Variants in SLC25A31 observed in about 807,000 individuals in gnomAD.
The protein encoded by SLC25A31 is ADP/ATP translocase 4.
In SLC25A31, 40 loss-of-function variants were observed where a neutral mutation model predicts 36.2. The ratio of observed to expected loss-of-function variants is 1.10; its 90% CI spans 0.86 to 1.44. SLC25A31 has a LOEUF of 1.44. Ranked by LOEUF, SLC25A31 falls within the 40% of genes most tolerant of loss-of-function variation. The pLI is 0.00. For synonymous variants in SLC25A31, 143 were observed against 149.7 expected, an observed-to-expected ratio of 0.96 and a Z score of 0.32; for missense variants, 350 against 397.1, an observed-to-expected ratio of 0.88 and a Z score of 1.01.
intron 2 of SLC25A31, among the ~76,000 whole-genome samples, chr4:127,747,673 T>G (rs1731849666): frequency 6.6e-6 from 1 of 152,162 alleles, no homozygotes; most frequent in Non-Finnish European, 1.5e-5. Context: ...GTGAAATGCA[T>G]AGCATAGTAC....
At chr4:127,737,692 C>A (rs1273514495) in intron 1 of SLC25A31, among the ~76,000 whole-genome samples, 2 of 152,088 alleles carry the variant, frequency 1.3e-5, no homozygotes, top group Admixed American at 1.3e-4. Context: ...GCAGGGAGCA[C>A]AGGCACATGC....
In SLC25A31 at chr4:127,773,272, A is replaced by G. The variant is rs114947200; in HGVS notation, c.760-114A>G. The G allele has an allele frequency of 1.1e-3, 1,059 of 921,034 alleles. 10 individuals carry two copies. In the African/African-American group the frequency reaches 0.015, roughly 13 times the overall value. 57.1% of individuals were successfully genotyped at this position (921,034 alleles called of 1,614,324 possible). Reference sequence around the variant, plus strand: ...GGACAGTAGCCATATATGCCTATTAACACAGTGCTACTCAACACAGTGTTT... The same window carrying G: ...GGACAGTAGCCATATATGCCTATTAGCACAGTGCTACTCAACACAGTGTTT... On this transcript the variant is annotated intron_variant, in intron 5 of 5. Coordinates refer to ENST00000281154, the MANE Select transcript of SLC25A31 (RefSeq NM_031291.4).
At position 127,730,615 on chromosome 4, in the gene SLC25A31, C is replaced by G. The variant is rs375462787; in HGVS notation, c.70C>G (p.Leu24Val). Reference sequence around the variant, plus strand: ...TGACGCCTCATCCTTCGGGAAGGACCTTCTGGCCGGCGGAGTCGCGGCAGC... The same window carrying G: ...TGACGCCTCATCCTTCGGGAAGGACGTTCTGGCCGGCGGAGTCGCGGCAGC... Reference protein sequence around the residue: ...LFDASSFGKDLLAGGVAAAVS... With the variant: ...LFDASSFGKDVLAGGVAAAVS... Residue 24 changes from leucine (L) to valine (V), a missense_variant, in exon 1 of 6, where the codon CTT (leucine) becomes GTT (valine). Coordinates refer to ENST00000281154, the MANE Select transcript of SLC25A31 (RefSeq NM_031291.4). 1 of 1,614,066 alleles carries G rather than the reference C, an allele frequency of 6.2e-7. No individual in the cohort carries two copies.
rs758423485 is a variant in SLC25A31 at position 127,744,767 on chromosome 4, C to G, written c.328C>G (p.Leu110Val). The change falls in exon 2 of 6, where the codon CTA becomes GTA. Residue 110 changes from leucine (L) to valine (V), a missense_variant. Coordinates refer to ENST00000281154, the MANE Select transcript of SLC25A31 (RefSeq NM_031291.4). ...NFAFKDKYKQ[L>V]FMSGVNKEKQ... ...TGCTTTTAAGGACAAATACAAGCAG[C>G]TATTCATGTCTGGAGTTAATAAAGA... is the stretch of plus-strand genomic sequence containing the variant. 1.3e-6 allele frequency: 2 copies of G among 1,584,038 alleles called. No homozygotes were observed. Among genetic ancestry groups the G allele is most frequent in the Non-Finnish European group, 1.7e-6 (2 of 1,159,682 alleles).
chr4:127,771,533 G>A (rs552290403), intron 5 of SLC25A31, among the ~76,000 whole-genome samples: 8 of 152,164 alleles, frequency 5.3e-5, no homozygotes, highest in African/African-American at 1.9e-4. Flanking sequence ...ACATGAACAG[G>A]CATATAATCT....
chr4:127,731,106 A>G (rs998420512), intron 1 of SLC25A31, among the ~76,000 whole-genome samples: 3 of 152,196 alleles, frequency 2.0e-5, no homozygotes, highest in South Asian at 2.1e-4. Context: ...GGGAGATGCC[A>G]TTAGGCACTC....
At chr4:127,749,502 T>C (rs147475613) in intron 2 of SLC25A31, among the ~76,000 whole-genome samples, 4 of 152,140 alleles carry the variant, frequency 2.6e-5, no homozygotes, top group African/African-American at 9.6e-5. Context: ...TCCCAGCACT[T>C]TTGGAAGCCG....
intron 2 of SLC25A31, among the ~76,000 whole-genome samples, chr4:127,749,957 A>G (rs1731897336): frequency 6.6e-6 from 1 of 152,224 alleles, no homozygotes; most frequent in African/African-American, 2.4e-5. Flanking sequence ...AGTAGCAGAA[A>G]GAATTAATCA....
chr4:127,765,005 A>ATATGTTTTTTCTTTTTAGTT (rs1732214894), intron 3 of SLC25A31, among the ~76,000 whole-genome samples: 1 of 152,060 alleles, frequency 6.6e-6, no homozygotes, highest in African/African-American at 2.4e-5. Context: ...ATCCTTTAGT[A>ATATGTTTTTTCTTTTTAGTT]TATGTTTTTT....
chr4:127,750,726 G>A (rs1441944434), intron 2 of SLC25A31, among the ~76,000 whole-genome samples: 1 of 151,428 alleles, frequency 6.6e-6, no homozygotes, highest in African/African-American at 2.4e-5. Context: ...TGAGCCCCAT[G>A]ATAACCATAA....
Position 127,730,427 on chromosome 4 carries a change from A to G in SLC25A31, c.-119A>G, listed in dbSNP as rs1731491542. ...CGGCGCGCGGCTCTCTCAGCGTCCC[A>G]AGAGCCACTTTCTCGCCAGTACGAT... On this transcript the variant is annotated 5_prime_UTR_variant, in exon 1 of 6. Transcript: ENST00000281154. 7 of 1,129,150 alleles carry G rather than the reference A, an allele frequency of 6.2e-6. No individual in the cohort carries two copies. The highest frequency in any genetic ancestry group is 2.6e-5 in the East Asian group (1 of 38,850). The allele number at this position is 1,129,150 out of a possible 1,614,324, so 69.9% of individuals were successfully genotyped here. A position where few individuals can be genotyped will look rare whatever the true frequency, so the allele number is the denominator to read the frequency against.
intron 2 of SLC25A31, among the ~76,000 whole-genome samples, chr4:127,754,537 TA>T (rs35065040): frequency 0.66 from 96,394 of 146,022 alleles, 31,867 homozygotes; most frequent in Middle Eastern, 0.8. Flanking sequence ...ACAATAGCTT[TA>T]AAAAAAAAAA....
At chr4:127,737,312 T>G (rs763840474) in intron 1 of SLC25A31, among the ~76,000 whole-genome samples, 4 of 152,238 alleles carry the variant, frequency 2.6e-5, no homozygotes, top group Non-Finnish European at 5.9e-5. Flanking sequence ...GTTATACTTC[T>G]AGGGATTTGT....
intron 2 of SLC25A31, among the ~76,000 whole-genome samples, chr4:127,750,530 C>A (rs1731909256): frequency 6.6e-6 from 1 of 152,028 alleles, no homozygotes; most frequent in Non-Finnish European, 1.5e-5. Flanking sequence ...CACTTTTAAT[C>A]CTTAACGTCA....
In SLC25A31 at chr4:127,730,522, C is replaced by T. The variant is rs753959721; in HGVS notation, c.-24C>T. On this transcript the variant is annotated 5_prime_UTR_variant, in exon 1 of 6. Coordinates refer to ENST00000281154, the MANE Select transcript of SLC25A31 (RefSeq NM_031291.4). ...CCGTACTCATTTTTAGCCACTGCTGCCGGTTTTTATATCCTTCTCCATCAT... is the reference window on the plus strand; with the variant it reads ...CCGTACTCATTTTTAGCCACTGCTGTCGGTTTTTATATCCTTCTCCATCAT... The T allele has an allele frequency of 1.2e-5, 20 of 1,604,326 alleles. No homozygotes were observed. Among genetic ancestry groups the T allele is most frequent in the Non-Finnish European group, 1.6e-5 (19 of 1,171,932 alleles).
At chr4:127,758,507 A>G (rs950563521) in intron 2 of SLC25A31, among the ~76,000 whole-genome samples, 6 of 152,078 alleles carry the variant, frequency 3.9e-5, no homozygotes, top group African/African-American at 1.4e-4. Flanking sequence ...TTTTTGTTGC[A>G]TTTGGCTTTG....
chr4:127,762,833 A>C (rs1162936410), intron 2 of SLC25A31, among the ~76,000 whole-genome samples: 1 of 152,054 alleles, frequency 6.6e-6, no homozygotes. Context: ...CTGAGGCAGG[A>C]GAATGGCGTG....
At chr4:127,741,069 T>G (rs919119956) in intron 1 of SLC25A31, among the ~76,000 whole-genome samples, 1 of 152,220 alleles carries the variant, frequency 6.6e-6, no homozygotes, top group Non-Finnish European at 1.5e-5. Context: ...TATATAGAAA[T>G]GTGATTGATT....
intron 5 of SLC25A31, 22 bp from the exon 6 acceptor site, chr4:127,773,364 C>T (rs370386128): frequency 4.2e-4 from 663 of 1,585,710 alleles, no homozygotes; most frequent in Non-Finnish European, 5.3e-4. Flanking sequence ...TAATGGAAAA[C>T]CCTTTGTTTT....
Sources: gnomAD v4.1 joint callset for allele counts (sites outside exome capture counted in the v4.1 genomes callset) on GRCh38, gnomAD v4.1.1 for gene constraint, MANE v1.5 for transcripts, NCBI Gene and HGNC (gene_info 2026-07-23, HGNC 2026-07-21) for gene names.